The following WDR27 variants were observed in gnomAD, a reference collection of about 807,000 sequenced individuals.
The protein encoded by WDR27 is WD repeat domain 27.
Under a neutral mutation model 114.4 loss-of-function variants are expected in WDR27, and 100 were observed. The ratio of observed to expected loss-of-function variants is 0.87; its 90% confidence interval spans 0.74 to 1.03. WDR27 has a LOEUF of 1.03. WDR27 is among the 50% of genes least tolerant of loss of function. The pLI is 0.00. For missense variants in WDR27, 1,129 were observed against 1,092.9 expected (o/e 1.03, Z -0.47); for synonymous variants, 449 against 423.1 (o/e 1.06, Z -0.75).
downstream of WDR27, among the ~76,000 whole-genome samples, chr6:169,456,518 T>A (rs1784351941): frequency 6.6e-6 from 1 of 152,150 alleles, no homozygotes; most frequent in Non-Finnish European, 1.5e-5. The surrounding 1 kb of genome is among the most constrained non-coding windows in gnomAD (Gnocchi z 4.0). Context: ...GAATCTTGAA[T>A]TGCCTTGGAA....
chr6:169,523,155 T>C (rs966386033), intron 25 of WDR27, among the ~76,000 whole-genome samples: 1 of 152,044 alleles, frequency 6.6e-6, no homozygotes. Flanking sequence ...GAGACTATTA[T>C]GAACAATGAT....
At chr6:169,504,070 G>A (rs1048643578) in intron 25 of WDR27, among the ~76,000 whole-genome samples, 1 of 151,948 alleles carries the variant, frequency 6.6e-6, no homozygotes, top group Admixed American at 6.6e-5. Context: ...TTAATGAGTG[G>A]ATAGATAAAA....
intron 24 of WDR27, among the ~76,000 whole-genome samples, chr6:169,577,717 G>A (rs1802649967): frequency 6.6e-6 from 1 of 152,222 alleles, no homozygotes; most frequent in African/African-American, 2.4e-5. Context: ...GGAGTGGTTC[G>A]TTACAGCGGC....
At chr6:169,487,497 C>A (rs1352797498) in intron 25 of WDR27, among the ~76,000 whole-genome samples, 4 of 152,218 alleles carry the variant, frequency 2.6e-5, no homozygotes, top group East Asian at 1.9e-4. Context: ...CTCGCTGCTC[C>A]CTGGATTACA....
intron 25 of WDR27, among the ~76,000 whole-genome samples, chr6:169,477,177 T>C (rs1490568850): frequency 5.3e-5 from 8 of 152,222 alleles, no homozygotes; most frequent in Admixed American, 5.2e-4. Flanking sequence ...GACCTTGAGT[T>C]TGGAGTAAAC....
Position 169,457,513 on chromosome 6 carries a change from G to T in WDR27, c.*79C>A. 7.8e-7 allele frequency: 1 copy of T among 1,284,304 alleles called. No homozygotes were observed. The highest frequency in any genetic ancestry group is 1.1e-6 in the Non-Finnish European group (1 of 939,704). The allele number at this position is 1,284,304 out of a possible 1,614,324, so 79.6% of individuals were successfully genotyped here. ...CAGTTGCTGCTTCTGGCCCCCTGAT[G>T]GATGAACCACTACTTCTTACTTTTA... is the stretch of plus-strand genomic sequence containing the variant. On this transcript the variant is annotated 3_prime_UTR_variant, in exon 26 of 26. Coordinates refer to ENST00000448612, the MANE Select transcript of WDR27 (RefSeq NM_182552.5).
At chr6:169,533,304 G>T (rs73792905) in intron 25 of WDR27, among the ~76,000 whole-genome samples, 2,448 of 151,888 alleles carry the variant, frequency 0.016, 64 homozygotes, top group African/African-American at 0.056. Context: ...AAAATTGGGG[G>T]GGGCGGGGGC....
intron 24 of WDR27, among the ~76,000 whole-genome samples, chr6:169,581,710 A>G (rs1334861148): frequency 6.6e-6 from 1 of 152,190 alleles, no homozygotes; most frequent in Non-Finnish European, 1.5e-5. Flanking sequence ...GCACTTACTC[A>G]TTTCCAATAT....
chr6:169,657,902 C>T (rs1824704441), intron 13 of WDR27: 1 of 191,624 alleles, frequency 5.2e-6, no homozygotes, highest in African/African-American at 2.3e-5. Flanking sequence ...GGAGTACAAT[C>T]ACACGCTCGG....
chr6:169,459,175 G>T (rs1024491124), intron 25 of WDR27, among the ~76,000 whole-genome samples: 5 of 152,066 alleles, frequency 3.3e-5, no homozygotes, highest in African/African-American at 1.2e-4. Flanking sequence ...TAAAACAATT[G>T]TTTTCAATTA....
chr6:169,648,135 T>C (rs1466743004), intron 15 of WDR27, among the ~76,000 whole-genome samples: 1 of 152,218 alleles, frequency 6.6e-6, no homozygotes, highest in African/African-American at 2.4e-5. Context: ...GTGTTTCATA[T>C]AAACTCATGT....
At chr6:169,608,709 CCACCCCGGCCTTCCAAA>C (rs1347418810) in intron 22 of WDR27, among the ~76,000 whole-genome samples, 1 of 152,138 alleles carries the variant, frequency 6.6e-6, no homozygotes, top group Non-Finnish European at 1.5e-5. Flanking sequence ...CCATATCATT[CCACCCCGGCCTTCCAAA>C]TCTCATGTCC....
At chr6:169,543,644 A>G (rs773747925) in intron 25 of WDR27, among the ~76,000 whole-genome samples, 9 of 152,166 alleles carry the variant, frequency 5.9e-5, no homozygotes, top group Non-Finnish European at 1.3e-4. Context: ...GTCTGTTGCA[A>G]TCTGTTGTTT....
At chr6:169,639,546 T>TAA (rs1818636979) in intron 17 of WDR27, among the ~76,000 whole-genome samples, 1 of 152,198 alleles carries the variant, frequency 6.6e-6, no homozygotes, top group African/African-American at 2.4e-5. Flanking sequence ...AAGTTTTGTC[T>TAA]AAACTCACAA....
At position 169,660,664 on chromosome 6, in the gene WDR27, C is replaced by T; in HGVS notation, c.1128G>A (p.Lys376=). Residue 376 remains lysine (K), a splice_region_variant and synonymous_variant, in exon 10 of 26, where the codon AAG becomes AAA. Transcript: ENST00000448612. ...NLEVEAALYY[K]DFQSLSILLA... Reference sequence around the variant, plus strand: ...TGGCGTTGAAATCAAAGATCTTACCCTTGTAATACAAAGCAGCTTCCACTT... The same window carrying T: ...TGGCGTTGAAATCAAAGATCTTACCTTTGTAATACAAAGCAGCTTCCACTT... 2 of 1,612,676 alleles carry T rather than the reference C, an allele frequency of 1.2e-6. No homozygotes were observed. Among genetic ancestry groups the T allele is most frequent in the Non-Finnish European group, 1.7e-6 (2 of 1,178,708 alleles).
intron 25 of WDR27, among the ~76,000 whole-genome samples, chr6:169,566,195 T>C (rs1800455396): frequency 6.6e-6 from 1 of 152,146 alleles, no homozygotes; most frequent in South Asian, 2.1e-4. Context: ...AAATAAAACA[T>C]TTTGTAGCGT....
At chr6:169,535,677 T>C (rs867904480) in intron 25 of WDR27, among the ~76,000 whole-genome samples, 2 of 152,194 alleles carry the variant, frequency 1.3e-5, no homozygotes, top group Non-Finnish European at 2.9e-5. Context: ...CATGTGCATC[T>C]GCCTGTCCAA....
At chr6:169,488,637 G>C (rs1247329845) in intron 25 of WDR27, among the ~76,000 whole-genome samples, 1 of 152,162 alleles carries the variant, frequency 6.6e-6, no homozygotes, top group Non-Finnish European at 1.5e-5. Flanking sequence ...TTGTTTTGCA[G>C]ATAAAGGAGA....
rs986187577 is a variant in WDR27 at position 169,515,369 on chromosome 6, T to C, written c.2645+57050A>G. Among the ~76,000 whole-genome samples the C allele has an allele frequency of 2.0e-5, 3 of 152,248 alleles. No homozygotes were observed. The East Asian group carries it at 5.8e-4, about 29-fold the overall frequency. ...GAATGTGTGCCTTTAAAATTAAAAA[T>C]AAAATGAAAGCGGTAATGATCATAA... On this transcript the variant is annotated intron_variant, in intron 25 of 25. Coordinates refer to ENST00000448612, the MANE Select transcript of WDR27 (RefSeq NM_182552.5).
Sources: allele counts gnomAD v4.1 joint callset (sites outside exome capture counted in the v4.1 genomes callset), GRCh38; gene constraint gnomAD v4.1.1; non-coding constraint Gnocchi (gnomAD v3.1); transcripts MANE v1.5; gene names NCBI Gene and HGNC (gene_info 2026-07-23, HGNC 2026-07-21).